The following SPATS1 variants were observed in gnomAD, a reference collection of about 807,000 sequenced individuals.
SPATS1 encodes spermatogenesis-associated serine-rich protein 1.
Under a neutral mutation model 33.6 loss-of-function variants are expected in SPATS1, and 23 were observed. That is an observed-to-expected ratio of 0.68 (90% CI 0.49 to 0.97). The LOEUF (loss-of-function observed/expected upper bound fraction) is 0.97, where lower values mean the gene tolerates loss of function less well. Ranked by LOEUF, SPATS1 falls within the 50% of genes least tolerant of loss-of-function variation. The pLI, the probability that SPATS1 is intolerant of heterozygous loss-of-function variation, is 0.00. For missense variants in SPATS1, 327 were observed against 361.0 expected (o/e 0.91, Z 0.76); for synonymous variants, 131 against 125.6 (o/e 1.04, Z -0.29).
chr6:44,353,023 T>A, intron 3 of SPATS1, 150 bp downstream of exon 3: 2 of 768,542 alleles, frequency 2.6e-6, no homozygotes, highest in Non-Finnish European at 4.1e-6. Flanking sequence ...CCACTTAGTA[T>A]CTGTGTGAAT....
intron 2 of SPATS1, among the ~76,000 whole-genome samples, chr6:44,347,276 C>T (rs749177526): frequency 4.6e-5 from 7 of 151,948 alleles, no homozygotes; most frequent in African/African-American, 1.2e-4. Flanking sequence ...CTAATGTAGA[C>T]GACGGGTTGA....
chr6:44,370,178 C>T (rs1789516926), intron 7 of SPATS1, 65 bp downstream of exon 7: 1 of 1,456,992 alleles, frequency 6.9e-7, no homozygotes, highest in Non-Finnish European at 9.5e-7. Flanking sequence ...TTTATTGTTT[C>T]CTTATGTGGA....
intron 7 of SPATS1, among the ~76,000 whole-genome samples, chr6:44,371,955 A>G (rs963323188): frequency 6.6e-6 from 1 of 150,848 alleles, no homozygotes; most frequent in African/African-American, 2.4e-5. Flanking sequence ...AAAAAAAAAA[A>G]AAAAAAAGAT....
chr6:44,348,618 G>A (rs1788043798), intron 2 of SPATS1, among the ~76,000 whole-genome samples: 1 of 152,118 alleles, frequency 6.6e-6, no homozygotes, highest in Non-Finnish European at 1.5e-5. Context: ...GGATGTAGTT[G>A]TAATAATTTT....
At position 44,360,160 on chromosome 6, in the gene SPATS1, A is replaced by G. The variant is rs1788821423; in HGVS notation, c.288-286A>G. Among the ~76,000 whole-genome samples, 6 of 152,144 alleles carry G rather than the reference A, an allele frequency of 3.9e-5. No individual in the cohort carries two copies. In the South Asian group the frequency reaches 6.2e-4, roughly 16 times the overall value. ...ACTTAAAAAAATTAGTAAAGACGGG[A>G]TCTCACTATGCTGTCCAGTCTGGTC... is the stretch of plus-strand genomic sequence containing the variant. On this transcript the variant is annotated intron_variant, in intron 3 of 8. Coordinates refer to ENST00000674044, the MANE Select transcript of SPATS1 (RefSeq NM_001372081.1).
intron 4 of SPATS1, chr6:44,361,529 T>C: frequency 1.0e-6 from 1 of 985,318 alleles, no homozygotes; most frequent in Non-Finnish European, 1.2e-6. Flanking sequence ...AGACTGTCTC[T>C]GAGCTTCCCA....
chr6:44,366,844 T>C (rs1228697751), intron 5 of SPATS1, among the ~76,000 whole-genome samples: 2 of 152,256 alleles, frequency 1.3e-5, no homozygotes, highest in Non-Finnish European at 2.9e-5. Flanking sequence ...TATTATTTAG[T>C]ATTCATGATA....
intron 2 of SPATS1, chr6:44,343,570 G>A: frequency 2.1e-6 from 1 of 470,072 alleles, no homozygotes; most frequent in Admixed American, 2.4e-5. Flanking sequence ...CATGAGCCTG[G>A]GATTTGACAT....
At chr6:44,357,782 T>C (rs1788681282) in intron 3 of SPATS1, among the ~76,000 whole-genome samples, 1 of 152,186 alleles carries the variant, frequency 6.6e-6, no homozygotes. Flanking sequence ...GTATTCTGAA[T>C]AGGAGCTACC....
At position 44,370,131 on chromosome 6, in the gene SPATS1, G is replaced by A. The variant is rs1789514105; in HGVS notation, c.758+18G>A. The A allele has an allele frequency of 6.3e-7, 1 of 1,595,724 alleles. No individual in the cohort carries two copies. Among genetic ancestry groups the A allele is most frequent in the Non-Finnish European group, 8.6e-7 (1 of 1,165,162 alleles). ...ATTCCCAAGTGAGTTCTCTTGTCATGTTTTGTGTTATCCCATCTTTATTAA... is the reference window on the plus strand; with the variant it reads ...ATTCCCAAGTGAGTTCTCTTGTCATATTTTGTGTTATCCCATCTTTATTAA... On this transcript the variant is annotated intron_variant, in intron 7 of 8. Transcript: ENST00000674044.
At chr6:44,368,341 A>G (rs1276596550) in intron 5 of SPATS1, 38 bp from the exon 6 acceptor site, 2 of 1,605,348 alleles carry the variant, frequency 1.2e-6, no homozygotes, top group Admixed American at 1.7e-5. Context: ...GATCATCTTC[A>G]GCCCTTGTAT....
At chr6:44,365,665 CTA>C (rs777832521) in intron 5 of SPATS1, among the ~76,000 whole-genome samples, 1 of 152,240 alleles carries the variant, frequency 6.6e-6, no homozygotes, top group Non-Finnish European at 1.5e-5. Flanking sequence ...TGCTCACAAT[CTA>C]TCAGTCAGAA....
chr6:44,376,402 A>G lies in SPATS1; in HGVS notation c.803A>G (p.Glu268Gly). 6.2e-7 allele frequency: 1 copy of G among 1,613,248 alleles called. No homozygotes were observed. Among genetic ancestry groups the G allele is most frequent in the Non-Finnish European group, 8.5e-7 (1 of 1,179,756 alleles). ...VKEKANSLKN[E>G]IQEVEELDNW... Reference sequence around the variant, plus strand: ...GAGAAGGCCAACAGTTTGAAAAATGAGATACAAGAGGTTGAGGAGCTTGAC... The same window carrying G: ...GAGAAGGCCAACAGTTTGAAAAATGGGATACAAGAGGTTGAGGAGCTTGAC... The change falls in exon 8 of 9, where the codon GAG (glutamate) becomes GGG (glycine). Residue 268 changes from glutamate (E) to glycine (G), a missense_variant. By Grantham distance (98) the Glu-to-Gly change is moderately conservative. Transcript: ENST00000674044.
At chr6:44,360,248 G>A (rs9472264) in intron 3 of SPATS1, among the ~76,000 whole-genome samples, 198 bp from the exon 4 acceptor site, 4,970 of 152,286 alleles carry the variant, frequency 0.033, 245 homozygotes, top group African/African-American at 0.11. Flanking sequence ...GATTACAGGC[G>A]TGTGCCACTG....
At chr6:44,376,197 G>C (rs1789939813) in intron 7 of SPATS1, among the ~76,000 whole-genome samples, 161 bp from the exon 8 acceptor site, 1 of 152,156 alleles carries the variant, frequency 6.6e-6, no homozygotes. Context: ...AAGAGGGTTT[G>C]AGGCAGGAGC....
At chr6:44,370,693 T>G (rs1789552401) in intron 7 of SPATS1, among the ~76,000 whole-genome samples, 1 of 152,186 alleles carries the variant, frequency 6.6e-6, no homozygotes, top group Non-Finnish European at 1.5e-5. Context: ...TCCCAGGGTC[T>G]AACCCACTCT....
chr6:44,357,373 TTTTGTTTGTTTG>T (rs763889660), intron 3 of SPATS1, among the ~76,000 whole-genome samples: 7 of 152,018 alleles, frequency 4.6e-5, no homozygotes, highest in Admixed American at 3.9e-4. Flanking sequence ...CTTACCCAGT[TTTTGTTTGTTTG>T]TTTGTTTGTT....
At chr6:44,364,091 C>T (rs2153368327) in intron 5 of SPATS1, among the ~76,000 whole-genome samples, 1 of 152,286 alleles carries the variant, frequency 6.6e-6, no homozygotes, top group East Asian at 1.9e-4. Flanking sequence ...CTTGTTTCAT[C>T]ATTACTCCTC....
Position 44,379,565 on chromosome 6 carries a change from A to T in SPATS1, c.*2502A>T, listed in dbSNP as rs1292037223. On this transcript the variant is annotated 3_prime_UTR_variant, in exon 9 of 9. Coordinates refer to ENST00000674044, the MANE Select transcript of SPATS1 (RefSeq NM_001372081.1). ...CAGTGACCCAAGATTGTGCCACTGC[A>T]CTCCAGCCTGGGCAACAGAGTGAGA... Among the ~76,000 whole-genome samples, 1 of 132,148 alleles carries T rather than the reference A, an allele frequency of 7.6e-6. No homozygotes were observed. Among genetic ancestry groups the T allele is most frequent in the Non-Finnish European group, 1.6e-5 (1 of 64,480 alleles). 86.7% of individuals were successfully genotyped at this position (132,148 alleles called of 152,430 possible).
Sources: gnomAD v4.1 joint callset for allele counts (sites outside exome capture counted in the v4.1 genomes callset) on GRCh38, gnomAD v4.1.1 for gene constraint, MANE v1.5 for transcripts, NCBI Gene and HGNC (gene_info 2026-07-23, HGNC 2026-07-21) for gene names.